Variants in CDH23 observed in about 807,000 individuals in gnomAD.
CDH23 encodes cadherin related 23, also known as cadherin-23.
Under a neutral mutation model 317.1 loss-of-function variants are expected in CDH23, and 189 were observed. That is an observed-to-expected ratio of 0.60 (90% CI 0.53 to 0.67). CDH23 has a LOEUF of 0.67. Among genes scored for constraint, CDH23 ranks in the 30% least tolerant of loss-of-function variants. The pLI, the probability that CDH23 is intolerant of heterozygous loss-of-function variation, is 0.00. For missense variants in CDH23, 4,401 were observed against 4,592.4 expected (o/e 0.96, Z 1.20); for synonymous variants, 1,839 against 1,876.8 (o/e 0.98, Z 0.52).
chr10:71,761,880 T>A (rs1304665446), intron 38 of CDH23: 7 of 1,614,064 alleles, frequency 4.3e-6, no homozygotes, highest in African/African-American at 1.3e-5. Flanking sequence ...ACCTCGCCCC[T>A]CGAGCTGCGG....
chr10:71,547,524 G>C (rs1856349520), intron 6 of CDH23, among the ~76,000 whole-genome samples: 1 of 152,230 alleles, frequency 6.6e-6, no homozygotes. Context: ...GTTACTGGAG[G>C]ACTGGAATAG....
intron 46 of CDH23, chr10:71,790,863 C>T: frequency 1.8e-6 from 1 of 549,138 alleles, no homozygotes; most frequent in Non-Finnish European, 3.3e-6. Flanking sequence ...AACCCTGTGC[C>T]CTGGGTCACT....
Position 71,725,470 on chromosome 10 carries a change from A to C in CDH23, c.3529A>C (p.Ile1177Leu). The change falls in exon 30 of 70, where the codon ATA becomes CTA. Residue 1177 changes from isoleucine to leucine, a missense_variant. This residue lies in a region of CDH23 where 3,068 missense variants were observed against 3,203.3 expected (regional missense o/e 0.96). Transcript: ENST00000224721. ...GGAGCGGAACTCATCCCACGTGCTG[A>C]TAGTGGAGGCCTACAACCACGACCT... Reference protein sequence around the residue: ...DRERNSSHVLIVEAYNHDLGP... With the variant: ...DRERNSSHVLLVEAYNHDLGP... The C allele has an allele frequency of 6.2e-7, 1 of 1,613,972 alleles. No homozygotes were observed. Among genetic ancestry groups the C allele is most frequent in the Non-Finnish European group, 8.5e-7 (1 of 1,179,860 alleles).
chr10:71,657,934 C>G (rs989440238), intron 14 of CDH23, among the ~76,000 whole-genome samples: 2 of 152,064 alleles, frequency 1.3e-5, no homozygotes, highest in Non-Finnish European at 2.9e-5. Context: ...CACACACACA[C>G]AGACACACAG....
chr10:71,503,670 G>T (rs1161997008), intron 3 of CDH23, among the ~76,000 whole-genome samples: 1 of 152,188 alleles, frequency 6.6e-6, no homozygotes, highest in Non-Finnish European at 1.5e-5. Context: ...GATCCTTTCA[G>T]AGAGAGAGGA....
At chr10:71,675,236 C>G in intron 15 of CDH23, 60 bp downstream of exon 15, 1 of 1,437,720 alleles carries the variant, frequency 7.0e-7, no homozygotes, top group East Asian at 2.3e-5. Flanking sequence ...CCTCCCCAGA[C>G]TCATGAGATC....
chr10:71,530,856 C>T (rs546689968), intron 6 of CDH23, among the ~76,000 whole-genome samples: 7 of 152,344 alleles, frequency 4.6e-5, no homozygotes, highest in African/African-American at 1.7e-4. Context: ...TGGAGGAAGG[C>T]TCATTCACTC....
At chr10:71,802,171 G>A (rs989975197) in intron 53 of CDH23, among the ~76,000 whole-genome samples, 1 of 152,230 alleles carries the variant, frequency 6.6e-6, no homozygotes, top group African/African-American at 2.4e-5. Flanking sequence ...AGCCAGGCAT[G>A]GTGGTGTTTG....
intron 41 of CDH23, among the ~76,000 whole-genome samples, chr10:71,780,000 C>A (rs1840911636): frequency 6.6e-6 from 1 of 152,204 alleles, no homozygotes; most frequent in Non-Finnish European, 1.5e-5. Flanking sequence ...AGGCAAGGAG[C>A]CTTCGTGGGA....
At position 71,693,026 on chromosome 10, in the gene CDH23, G is replaced by A. The variant is rs373328736; in HGVS notation, c.2177-1121G>A. 9.8e-5 allele frequency among the ~76,000 whole-genome samples: 15 copies of A among 152,310 alleles called. No individual in the cohort carries two copies. The South Asian group carries it at 1.2e-3, about 13-fold the overall frequency. ...GAATTAAAATTCTCCAAGGCCAAGC[G>A]TCTGGGAAGGGCCATAATCAGAATT... On this transcript the variant is annotated intron_variant, in intron 20 of 69. Transcript: ENST00000224721.
intron 28 of CDH23, chr10:71,715,035 T>G (rs995147566): frequency 6.6e-6 from 1 of 152,254 alleles, no homozygotes; most frequent in Non-Finnish European, 1.5e-5. Flanking sequence ...TGGGCAGGAC[T>G]TGGGACCCCA....
chr10:71,602,144 A>G (rs1236105388), intron 9 of CDH23, among the ~76,000 whole-genome samples: 3 of 150,966 alleles, frequency 2.0e-5, no homozygotes. Context: ...TTCATAAATT[A>G]CCCGGCTCAA....
chr10:71,765,046 C>G (rs956225133), intron 38 of CDH23, among the ~76,000 whole-genome samples: 9 of 152,346 alleles, frequency 5.9e-5, no homozygotes, highest in African/African-American at 1.9e-4. Context: ...AACTATGGCT[C>G]TGCCGGGAAA....
chr10:71,625,199 T>G (rs1432894104), intron 11 of CDH23, among the ~76,000 whole-genome samples: 2 of 151,472 alleles, frequency 1.3e-5, no homozygotes, highest in East Asian at 3.9e-4. Flanking sequence ...AGGGCTCAAA[T>G]CCACTGGGCG....
intron 6 of CDH23, among the ~76,000 whole-genome samples, chr10:71,518,926 A>T (rs76735700): frequency 0.056 from 8,553 of 152,214 alleles, 823 homozygotes; most frequent in African/African-American, 0.19. Flanking sequence ...CACCTCTTCC[A>T]TGCCCATTGG....
chr10:71,637,159 T>C (rs1169764437), intron 11 of CDH23, among the ~76,000 whole-genome samples: 1 of 152,142 alleles, frequency 6.6e-6, no homozygotes, highest in Non-Finnish European at 1.5e-5. Context: ...ATAAAGAATA[T>C]GTATTCGATG....
intron 9 of CDH23, among the ~76,000 whole-genome samples, chr10:71,609,691 C>T (rs1020974733): frequency 1.3e-5 from 2 of 152,208 alleles, no homozygotes; most frequent in Non-Finnish European, 2.9e-5. Context: ...CTAAATATTC[C>T]TGGTTATACT....
At chr10:71,407,705 C>T (rs1300313537) in intron 1 of CDH23, among the ~76,000 whole-genome samples, 2 of 152,198 alleles carry the variant, frequency 1.3e-5, no homozygotes, top group African/African-American at 4.8e-5. Flanking sequence ...GGTCTCGACC[C>T]AAGTAACCTT....
Position 71,798,391 on chromosome 10 carries a change from T to C in CDH23, c.6867T>C (p.Asn2289=). Residue 2289 remains asparagine (N), a synonymous_variant, in exon 50 of 70, where the codon AAT becomes AAC. Coordinates refer to ENST00000224721, the MANE Select transcript of CDH23 (RefSeq NM_022124.6). ...LTVNVLDVND[N]TPQFKPFGIT... ...TCAACGTCCTGGACGTCAATGACAA[T>C]ACGCCCCAGTTCAAGCCCTTTGGGA... is the stretch of plus-strand genomic sequence containing the variant. 3 of 1,613,910 alleles carry C rather than the reference T, an allele frequency of 1.9e-6. No homozygotes were observed. The highest frequency in any genetic ancestry group is 2.5e-6 in the Non-Finnish European group (3 of 1,179,848).
Sources: allele counts gnomAD v4.1 joint callset (sites outside exome capture counted in the v4.1 genomes callset), GRCh38; gene constraint gnomAD v4.1.1; regional missense constraint gnomAD v4.1.1; transcripts MANE v1.5; gene names NCBI Gene and HGNC (gene_info 2026-07-23, HGNC 2026-07-21).